The following TGM1 variants were observed in gnomAD, a reference collection of about 807,000 sequenced individuals.
TGM1 encodes transglutaminase 1.
In TGM1, 63 loss-of-function variants were observed where a neutral mutation model predicts 88.7. The observed-to-expected ratio is 0.71, with a 90% confidence interval of 0.58 to 0.88. TGM1 has a LOEUF of 0.88. Among genes scored for constraint, TGM1 ranks in the 40% least tolerant of loss-of-function variants. The pLI, the probability that TGM1 is intolerant of heterozygous loss-of-function variation, is 0.00. For synonymous variants in TGM1, 415 were observed against 431.1 expected (o/e 0.96, Z 0.46); for missense variants, 996 against 1,118.0 (o/e 0.89, Z 1.56).
chr14:24,260,904 T>C (rs2040803603), intron 3 of TGM1, among the ~76,000 whole-genome samples: 1 of 152,300 alleles, frequency 6.6e-6, no homozygotes, highest in South Asian at 2.1e-4. Flanking sequence ...AGTGCCGCAG[T>C]CCAACATCCC....
chr14:24,254,885 G>A, intron 12 of TGM1, 61 bp from the exon 13 acceptor site: 4 of 1,612,662 alleles, frequency 2.5e-6, no homozygotes, highest in Non-Finnish European at 3.4e-6. Flanking sequence ...TTCCCCCAGG[G>A]ACTCCCCACT....
chr14:24,257,327 T>A (rs1171604084), intron 9 of TGM1, among the ~76,000 whole-genome samples: 1 of 152,156 alleles, frequency 6.6e-6, no homozygotes, highest in African/African-American at 2.4e-5. Context: ...GGCTGGGGTA[T>A]CACGGTAAGA....
At chr14:24,253,623 C>A (rs539868364) in intron 14 of TGM1, among the ~76,000 whole-genome samples, 1 of 152,102 alleles carries the variant, frequency 6.6e-6, no homozygotes, top group East Asian at 1.9e-4. Flanking sequence ...GGACAACAGG[C>A]GCACAGCACC....
At position 24,261,746 on chromosome 14, in the gene TGM1, G is replaced by A. The variant is rs751619088; in HGVS notation, c.457C>T (p.Leu153=). The A allele has an allele frequency of 1.9e-6, 3 of 1,614,172 alleles. No individual in the cohort carries two copies. Among genetic ancestry groups the A allele is most frequent in the Non-Finnish European group, 2.5e-6 (3 of 1,180,030 alleles). ...RGQPFHMLLL[L]SRTYESSDRI... The stretch of plus-strand genomic sequence containing the variant: ...TCAGAGGATTCATAGGTCCGGGACA[G>A]GAGGAGGAGCATATGGAAAGGCTGC... The change falls in exon 3 of 15, where the codon CTG becomes TTG. Residue 153 remains leucine (L), a synonymous_variant. Transcript: ENST00000206765.
In TGM1 at chr14:24,249,561, C is replaced by A. The variant is rs1566374132; in HGVS notation, c.2226-20G>T. 6.2e-7 allele frequency: 1 copy of A among 1,608,152 alleles called. No homozygotes were observed. The highest frequency in any genetic ancestry group is 1.1e-5 in the South Asian group (1 of 90,502). ...ATGTCCCTGTGGGCAGAGACAAGGT[C>A]ATGGGCCTGGAGTAATTGGGGGTGG... On this transcript the variant is annotated intron_variant, in intron 14 of 14. Transcript: ENST00000206765.
rs973761367 is a variant in TGM1, at chr14:24,255,610, G to A, written c.1492-93C>T. On this transcript the variant is annotated intron_variant, in intron 10 of 14. Transcript: ENST00000206765. This position sits in a 1 kb window ranked among gnomAD's most constrained non-coding sequence, Gnocchi z 4.0. ...TCCTTCCCCTGATCCCAGGAGCTAT[G>A]GGACAGGGCTTGGTCCCAAGGGTGG... is the stretch of plus-strand genomic sequence containing the variant. 1.9e-6 allele frequency: 3 copies of A among 1,554,806 alleles called. No homozygotes were observed. The highest frequency in any genetic ancestry group is 1.7e-5 in the Admixed American group (1 of 59,362).
intron 9 of TGM1, 24 bp downstream of exon 9, chr14:24,258,261 T>G (rs1420767852): frequency 1.9e-6 from 3 of 1,575,626 alleles, no homozygotes; most frequent in Non-Finnish European, 1.7e-6. Flanking sequence ...AGGGGCATGG[T>G]GGGGAGTGGG....
Position 24,259,975 on chromosome 14 carries a change from C to T in TGM1, c.841G>A (p.Ala281Thr). ...TTCCAGGTCCGCTCACCAATCTGTG[C>T]TTCGGTCCCGTAGTAAATTCTCCCA... ...ESGRIYYGTE[A>T]QIGERTWNYG... Residue 281 changes from alanine to threonine, a missense_variant, in exon 5 of 15, where the codon GCA becomes ACA. Physicochemically the swap from Ala to Thr is moderately conservative, Grantham distance 58 (BLOSUM62 0). Transcript: ENST00000206765. The surrounding 1 kb of genome is among the most constrained non-coding windows in gnomAD (Gnocchi z 5.7). The T allele has an allele frequency of 6.2e-7, 1 of 1,614,200 alleles. No individual in the cohort carries two copies. The highest frequency in any genetic ancestry group is 1.1e-5 in the South Asian group (1 of 91,086).
At chr14:24,260,931 C>T (rs1403574372) in intron 3 of TGM1, among the ~76,000 whole-genome samples, 1 of 152,250 alleles carries the variant, frequency 6.6e-6, no homozygotes, top group African/African-American at 2.4e-5. Flanking sequence ...GTTCCCCTGA[C>T]ACTGAACTCT....
Position 24,249,396 on chromosome 14 carries a change from C to T in TGM1, c.2371G>A (p.Gly791Arg), listed in dbSNP as rs751304165. The T allele has an allele frequency of 6.2e-7, 1 of 1,614,130 alleles. No homozygotes were observed. Among genetic ancestry groups the T allele is most frequent in the East Asian group, 2.2e-5 (1 of 44,874 alleles). ...VIQVDVAPAPGDGGFFSDAGG... is the reference protein window; with the variant it reads ...VIQVDVAPAPRDGGFFSDAGG... ...GCGTCTGAGAAGAAGCCCCCATCCC[C>T]AGGGGCTGGGGCCACATCCACCTGG... is the stretch of plus-strand genomic sequence containing the variant. Residue 791 changes from glycine to arginine, a missense_variant, in exon 15 of 15, where the codon GGG becomes AGG. Physicochemically the swap from Gly to Arg is moderately radical, Grantham distance 125 (BLOSUM62 -2). Coordinates refer to ENST00000206765, the MANE Select transcript of TGM1 (RefSeq NM_000359.3).
rs529625936 is a variant in TGM1 at position 24,253,618 on chromosome 14, A to G, written c.2225+534T>C. ...CTTAGACTCCCAAGTAGCTGGGACA[A>G]CAGGCGCACAGCACCAAACCTGGTT... is the stretch of plus-strand genomic sequence containing the variant. On this transcript the variant is annotated intron_variant, in intron 14 of 14. Coordinates refer to ENST00000206765, the MANE Select transcript of TGM1 (RefSeq NM_000359.3). Among the ~76,000 whole-genome samples, 7 of 152,290 alleles carry G rather than the reference A, an allele frequency of 4.6e-5. No individual in the cohort carries two copies. The East Asian group carries it at 1.4e-3, about 29-fold the overall frequency.
rs892935023 is a variant in TGM1 at position 24,254,229 on chromosome 14, G to T, written c.2148C>A (p.Pro716=). 3 of 1,613,940 alleles carry T rather than the reference G, an allele frequency of 1.9e-6. No homozygotes were observed. The African/African-American group carries it at 4.0e-5, about 22-fold the overall frequency. ...CGACATTGGTGAGGGTGACGGGAAG[G>T]GGGTTCTTGAAGACAATCTGTACTT... is the stretch of plus-strand genomic sequence containing the variant. The part of the protein sequence containing the change: ...ECEVQIVFKN[P]LPVTLTNVVF... The change falls in exon 14 of 15, where the codon CCC becomes CCA. Residue 716 remains proline, a synonymous_variant. Transcript: ENST00000206765.
rs373042332 is a variant in TGM1 at position 24,255,974 on chromosome 14, G to A, written c.1491+15C>T. ...TGACTGAAGCCCAAGAAGGCACCTGGAGCCCAGCCCTCACCTCAGCAAAAA... is the reference window on the plus strand; with the variant it reads ...TGACTGAAGCCCAAGAAGGCACCTGAAGCCCAGCCCTCACCTCAGCAAAAA... On this transcript the variant is annotated intron_variant, in intron 10 of 14. Coordinates refer to ENST00000206765, the MANE Select transcript of TGM1 (RefSeq NM_000359.3). The surrounding 1 kb of genome is among the most constrained non-coding windows in gnomAD (Gnocchi z 4.0). The A allele has an allele frequency of 1.4e-5, 22 of 1,553,702 alleles. No individual in the cohort carries two copies. The highest frequency in any genetic ancestry group is 1.8e-5 in the Non-Finnish European group (21 of 1,147,512).
At position 24,255,459 on chromosome 14, in the gene TGM1, TAAAC is replaced by T; in HGVS notation, c.1546_1549del (p.Val516MetfsTer41). The T allele has an allele frequency of 6.2e-7, 1 of 1,614,072 alleles. No individual in the cohort carries two copies. The highest frequency in any genetic ancestry group is 8.5e-7 in the Non-Finnish European group (1 of 1,180,012). ...TGTGCCGATGGCCTTCTCCTCCACA[TAAAC>T]AATCTTGAAGCTGCCATCATCCTGC... On this transcript the variant is annotated frameshift_variant, in exon 11 of 15. Transcript: ENST00000206765. LOFTEE classifies it high-confidence loss of function. This position sits in a 1 kb window ranked among gnomAD's most constrained non-coding sequence, Gnocchi z 4.0.
In TGM1 at chr14:24,259,778, T is replaced by A. The variant is rs753798494; in HGVS notation, c.910A>T (p.Ile304Phe). The A allele has an allele frequency of 2.5e-6, 4 of 1,613,216 alleles. No homozygotes were observed. The South Asian group carries it at 4.4e-5, about 18-fold the overall frequency. Residue 304 changes from isoleucine (I) to phenylalanine (F), a missense_variant, in exon 6 of 15, where the codon ATC becomes TTC. By Grantham distance (21) the Ile-to-Phe change is conservative (BLOSUM62 0). Coordinates refer to ENST00000206765, the MANE Select transcript of TGM1 (RefSeq NM_000359.3). This position sits in a 1 kb window ranked among gnomAD's most constrained non-coding sequence, Gnocchi z 5.7. Reference protein sequence around the residue: ...DHGVLDACLYILDRRGMPYGG... With the variant: ...DHGVLDACLYFLDRRGMPYGG... ...TATGGCATCCCCCGCCGGTCCAGGA[T>A]GTATAAGCAGGCATCCAGCACCCCG...
chr14:24,255,234 C>T lies in TGM1; in HGVS notation c.1665G>A (p.Lys555=), dbSNP rs767076645. 7.4e-6 allele frequency: 12 copies of T among 1,613,840 alleles called. No homozygotes were observed. Among genetic ancestry groups the T allele is most frequent in the Non-Finnish European group, 1.0e-5 (12 of 1,180,036 alleles). Residue 555 remains lysine (K), a synonymous_variant, in exon 12 of 15, where the codon AAG becomes AAA. Coordinates refer to ENST00000206765, the MANE Select transcript of TGM1 (RefSeq NM_000359.3). This position sits in a 1 kb window ranked among gnomAD's most constrained non-coding sequence, Gnocchi z 4.0. ...KHPEGSDAER[K]AVETAAAHGS... is the part of the protein sequence containing the mutation. Reference sequence around the variant, plus strand: ...CGTGGGCTGCTGCTGTCTCTACTGCCTTCCGCTCTGCGTCTGAGCCTGGGG... The same window carrying T: ...CGTGGGCTGCTGCTGTCTCTACTGCTTTCCGCTCTGCGTCTGAGCCTGGGG...
At chr14:24,252,314 A>G (rs921070738) in intron 14 of TGM1, among the ~76,000 whole-genome samples, 4 of 152,120 alleles carry the variant, frequency 2.6e-5, no homozygotes, top group Non-Finnish European at 4.4e-5. Flanking sequence ...CTGTAGGGAG[A>G]CTCACATAAA....
In TGM1 at chr14:24,260,810, C is replaced by T; in HGVS notation, c.509-112G>A. ...TGTGTATGAGCCACTGTGTATGTCC[C>T]TACGTTGGGCCATCACCTTATTCTC... On this transcript the variant is annotated intron_variant, in intron 3 of 14. Transcript: ENST00000206765. The T allele has an allele frequency of 2.1e-6, 3 of 1,410,532 alleles. No homozygotes were observed. The South Asian group carries it at 3.6e-5, about 17-fold the overall frequency. 87.4% of individuals were successfully genotyped at this position (1,410,532 alleles called of 1,614,324 possible). A position where few individuals can be genotyped will look rare whatever the true frequency, so the allele number is the denominator to read the frequency against.
rs1434540655 is a variant in TGM1, at chr14:24,258,798, G to A, written c.1160-125C>T. 9.3e-6 allele frequency: 13 copies of A among 1,391,610 alleles called. No homozygotes were observed. In the East Asian group the frequency reaches 2.2e-4, roughly 23 times the overall value. 86.2% of individuals were successfully genotyped at this position (1,391,610 alleles called of 1,614,324 possible). A position where few individuals can be genotyped will look rare whatever the true frequency, so the allele number is the denominator to read the frequency against. On this transcript the variant is annotated intron_variant, in intron 7 of 14. Transcript: ENST00000206765. The stretch of plus-strand genomic sequence containing the variant: ...GCTGGGCATAGACTGCCAGGGTCAG[G>A]GCCACGGGGGCCACAAGGCCTTTGG...
Sources: allele counts gnomAD v4.1 joint callset (sites outside exome capture counted in the v4.1 genomes callset), GRCh38; gene constraint gnomAD v4.1.1; non-coding constraint Gnocchi (gnomAD v3.1); transcripts MANE v1.5; gene names NCBI Gene and HGNC (gene_info 2026-07-23, HGNC 2026-07-21).